APBA2: variants seen among roughly 807,000 people sequenced by gnomAD.
The protein encoded by APBA2 is amyloid-beta A4 precursor protein-binding family A member 2.
A neutral mutation model predicts 75.0 loss-of-function variants in APBA2; 30 were observed. That is an observed-to-expected ratio of 0.40 (90% CI 0.30 to 0.54). The LOEUF is 0.54. Among genes scored for constraint, APBA2 ranks in the 20% least tolerant of loss-of-function variants. APBA2 has a pLI of 0.49. For missense variants in APBA2, 801 were observed against 1,016.1 expected (o/e 0.79, Z 2.88); for synonymous variants, 444 against 409.6 (o/e 1.08, Z -1.01).
chr15:29,087,139 CTG>C (rs1256119674), intron 6 of APBA2, among the ~76,000 whole-genome samples: 1 of 152,174 alleles, frequency 6.6e-6, no homozygotes, highest in African/African-American at 2.4e-5. Context: ...CAGAACTCCA[CTG>C]TGTGGATAGA....
intron 3 of APBA2, among the ~76,000 whole-genome samples, chr15:29,017,286 TCTCTCTTTC>T (rs1037807964): frequency 5.9e-5 from 9 of 152,074 alleles, no homozygotes; most frequent in African/African-American, 2.2e-4. Context: ...TTTTCTCTTT[TCTCTCTTTC>T]CTCTCTTTCT....
intron 3 of APBA2, among the ~76,000 whole-genome samples, chr15:28,997,615 C>G (rs938844458): frequency 6.6e-6 from 1 of 152,138 alleles, no homozygotes; most frequent in Non-Finnish European, 1.5e-5. Flanking sequence ...CTGCCTCAGC[C>G]CATCCACCCT....
At chr15:28,908,076 C>G (rs1160294229) in intron 1 of APBA2, among the ~76,000 whole-genome samples, 1 of 152,206 alleles carries the variant, frequency 6.6e-6, no homozygotes, top group African/African-American at 2.4e-5. Flanking sequence ...GGCCTGTGCC[C>G]GTGACCTGGC....
At chr15:29,098,695 A>ACCCAAGG (rs1242716786) in intron 9 of APBA2, 119 bp downstream of exon 9, 1 of 872,762 alleles carries the variant, frequency 1.1e-6, no homozygotes, top group Non-Finnish European at 1.9e-6. Context: ...GCGCCCATCA[A>ACCCAAGG]CCCAAGGCCC....
intron 1 of APBA2, among the ~76,000 whole-genome samples, chr15:28,888,389 G>T (rs2031897173): frequency 1.3e-5 from 2 of 152,232 alleles, no homozygotes; most frequent in Non-Finnish European, 2.9e-5. Flanking sequence ...ATCAGGCTGG[G>T]CTTTGTTTGG....
At chr15:28,931,334 A>T (rs937416375) in intron 2 of APBA2, among the ~76,000 whole-genome samples, 3 of 152,100 alleles carry the variant, frequency 2.0e-5, no homozygotes, top group Admixed American at 6.5e-5. Context: ...TAGCTCCTGG[A>T]TCTTAGCGGG....
chr15:29,066,010 C>T (rs2042365680), intron 4 of APBA2, among the ~76,000 whole-genome samples: 2 of 152,160 alleles, frequency 1.3e-5, no homozygotes, highest in South Asian at 2.1e-4. Flanking sequence ...CTGTGTGTGG[C>T]GGCATCAGTC....
intron 2 of APBA2, among the ~76,000 whole-genome samples, chr15:28,928,815 A>G (rs2034413778): frequency 1.3e-5 from 2 of 152,150 alleles, no homozygotes; most frequent in Non-Finnish European, 2.9e-5. Flanking sequence ...GGAAAAGCCC[A>G]TGAAAGTTTT....
intron 3 of APBA2, among the ~76,000 whole-genome samples, chr15:29,027,620 T>G (rs1408388257): frequency 6.6e-6 from 1 of 152,092 alleles, no homozygotes; most frequent in Non-Finnish European, 1.5e-5. Context: ...TTTTTTTCTT[T>G]TTGAGGCAGT....
chr15:28,939,707 C>T (rs902661046), intron 2 of APBA2, among the ~76,000 whole-genome samples: 6 of 152,176 alleles, frequency 3.9e-5, no homozygotes, highest in African/African-American at 1.4e-4. Flanking sequence ...GTGGTGCATG[C>T]GGTGCTGACA....
chr15:29,049,900 A>G (rs2041514299), intron 3 of APBA2, among the ~76,000 whole-genome samples: 1 of 152,238 alleles, frequency 6.6e-6, no homozygotes, highest in Non-Finnish European at 1.5e-5. Context: ...GGCAAATTCC[A>G]GAGATATTCC....
At chr15:28,985,242 G>A (rs1409540143) in intron 2 of APBA2, among the ~76,000 whole-genome samples, 3 of 152,218 alleles carry the variant, frequency 2.0e-5, no homozygotes. Flanking sequence ...GCACTGCAGG[G>A]GCACGGGCTC....
intron 2 of APBA2, among the ~76,000 whole-genome samples, chr15:28,928,915 A>G (rs2034419429): frequency 6.6e-6 from 1 of 152,116 alleles, no homozygotes; most frequent in African/African-American, 2.4e-5. Flanking sequence ...TACCCAAACT[A>G]CTGTGGTATG....
At chr15:29,083,281 C>T (rs1437656238) in intron 6 of APBA2, among the ~76,000 whole-genome samples, 3 of 152,146 alleles carry the variant, frequency 2.0e-5, no homozygotes, top group Non-Finnish European at 2.9e-5. Context: ...CTGCCTTTAC[C>T]GTACCCAAAT....
chr15:28,961,169 C>G (rs1440200643), intron 2 of APBA2: 1 of 152,210 alleles, frequency 6.6e-6, no homozygotes, highest in Admixed American at 6.5e-5. Flanking sequence ...AATACCAAAT[C>G]CCCATATACG....
chr15:29,078,369 T>G (rs2042939819), intron 6 of APBA2, among the ~76,000 whole-genome samples: 1 of 152,028 alleles, frequency 6.6e-6, no homozygotes, highest in South Asian at 2.1e-4. Flanking sequence ...TCCCAGCACT[T>G]TGGGAGGCCA....
rs537103035 is a variant in APBA2 at position 28,991,542 on chromosome 15, G to A, written c.-94-4211G>A. The stretch of plus-strand genomic sequence containing the variant: ...ACTGGCAGCCCAGCCAGCCCACGAA[G>A]GCCATGTGAGTGTGAACCCCCATTA... On this transcript the variant is annotated intron_variant, in intron 2 of 14. Transcript: ENST00000683413. This position sits in a 1 kb window ranked among gnomAD's most constrained non-coding sequence, Gnocchi z 4.7. 5.5e-4 allele frequency among the ~76,000 whole-genome samples: 84 copies of A among 152,330 alleles called. No individual in the cohort carries two copies. Among genetic ancestry groups the A allele is most frequent in the African/African-American group, 2.0e-3 (82 of 41,568 alleles).
intron 1 of APBA2, among the ~76,000 whole-genome samples, chr15:28,903,807 G>A (rs1465261894): frequency 6.6e-6 from 1 of 152,192 alleles, no homozygotes; most frequent in Non-Finnish European, 1.5e-5. Flanking sequence ...TCTGTGGTGG[G>A]CCAGTGGTGG....
chr15:28,981,346 G>A (rs959745922), intron 2 of APBA2, among the ~76,000 whole-genome samples: 1 of 152,110 alleles, frequency 6.6e-6, no homozygotes, highest in Non-Finnish European at 1.5e-5. Context: ...TTGGGCAAAG[G>A]ACATGAACAG....
Sources: gnomAD v4.1 joint callset for allele counts (sites outside exome capture counted in the v4.1 genomes callset) on GRCh38, gnomAD v4.1.1 for gene constraint, Gnocchi (gnomAD v3.1) non-coding constraint, MANE v1.5 for transcripts, NCBI Gene and HGNC (gene_info 2026-07-23, HGNC 2026-07-21) for gene names.